Variants in MECOM observed in about 807,000 individuals in gnomAD.
The protein encoded by MECOM is histone-lysine N-methyltransferase MECOM.
MECOM carries 13 observed loss-of-function variants against 116.3 expected under a neutral mutation model. The ratio of observed to expected loss-of-function variants is 0.11; its 90% CI spans 0.07 to 0.18. The LOEUF (loss-of-function observed/expected upper bound fraction) is 0.18. Among genes scored for constraint, MECOM ranks in the 10% least tolerant of loss-of-function variants. The probability of loss-of-function intolerance (pLI) is 1.00; values close to 1 mark genes in which losing one functional copy is unlikely to be tolerated. For missense variants in MECOM, 1,299 were observed against 1,509.0 expected (o/e 0.86, Z 2.31); for synonymous variants, 528 against 535.2 (o/e 0.99, Z 0.19).
At chr3:169,266,066 C>T (rs1386310733) in intron 2 of MECOM, among the ~76,000 whole-genome samples, 2 of 152,260 alleles carry the variant, frequency 1.3e-5, no homozygotes, top group Non-Finnish European at 1.5e-5. Flanking sequence ...GGCAACATGG[C>T]TGCCAGTCAG....
At chr3:169,165,216 AT>A (rs1231820117) in intron 2 of MECOM, among the ~76,000 whole-genome samples, 1 of 152,186 alleles carries the variant, frequency 6.6e-6, no homozygotes, top group Non-Finnish European at 1.5e-5. Context: ...TTACTGCACC[AT>A]TTGACAAACA....
chr3:169,387,439 A>G (rs943450615), intron 1 of MECOM, among the ~76,000 whole-genome samples: 1 of 152,224 alleles, frequency 6.6e-6, no homozygotes. Context: ...GTTTAACTGC[A>G]AATCTGGTCA....
intron 2 of MECOM, chr3:169,146,125 C>A: frequency 3.4e-6 from 2 of 592,534 alleles, no homozygotes; most frequent in Non-Finnish European, 4.5e-6. Context: ...TAAAAGCTGT[C>A]AACCTCCAAA....
chr3:169,565,088 C>T (rs1763072911), intron 1 of MECOM, among the ~76,000 whole-genome samples: 1 of 152,092 alleles, frequency 6.6e-6, no homozygotes, highest in African/African-American at 2.4e-5. Flanking sequence ...CCCCAGTGGA[C>T]AAAAGAAGAA....
chr3:169,125,436 A>G (rs1211944211), intron 5 of MECOM, among the ~76,000 whole-genome samples: 2 of 152,136 alleles, frequency 1.3e-5, no homozygotes, highest in African/African-American at 4.8e-5. Context: ...ATCTAGTGGC[A>G]AAAGCTTGGC....
At chr3:169,437,688 G>C (rs62294340) in intron 1 of MECOM, among the ~76,000 whole-genome samples, 1 of 151,942 alleles carries the variant, frequency 6.6e-6, no homozygotes, top group African/African-American at 2.4e-5. Flanking sequence ...AATGAAAAGC[G>C]TAGATTTATA....
At chr3:169,306,641 A>T (rs1343824662) in intron 2 of MECOM, among the ~76,000 whole-genome samples, 2 of 152,198 alleles carry the variant, frequency 1.3e-5, no homozygotes, top group Non-Finnish European at 2.9e-5. Flanking sequence ...AGATCATGCC[A>T]TTGCACTCCA....
intron 1 of MECOM, among the ~76,000 whole-genome samples, chr3:169,508,493 G>A (rs989804191): frequency 1.3e-5 from 2 of 150,386 alleles, no homozygotes; most frequent in African/African-American, 2.5e-5. Flanking sequence ...TAATACAAAA[G>A]AAGAGTAAAC....
At chr3:169,558,003 T>C (rs1047616076) in intron 1 of MECOM, among the ~76,000 whole-genome samples, 2 of 152,214 alleles carry the variant, frequency 1.3e-5, no homozygotes, top group Non-Finnish European at 1.5e-5. Flanking sequence ...GTCATACAAA[T>C]ACATATTTTT....
Position 169,107,902 on chromosome 3 carries a change from C to T in MECOM, c.2604+24G>A, listed in dbSNP as rs775444284. The T allele has an allele frequency of 1.2e-5, 19 of 1,606,532 alleles. 1 individual carries two copies. Among genetic ancestry groups the T allele is most frequent in the South Asian group, 3.3e-5 (3 of 89,890 alleles). ...CTTTTTAATGCTACATCACTTTAGT[C>T]AAAAATATAAGTAGGAAACTTACCC... On this transcript the variant is annotated intron_variant, in intron 10 of 16. Transcript: ENST00000651503.
At chr3:169,366,327 A>C (rs1729154500) in intron 2 of MECOM, among the ~76,000 whole-genome samples, 1 of 151,904 alleles carries the variant, frequency 6.6e-6, no homozygotes, top group Non-Finnish European at 1.5e-5. Flanking sequence ...AGGATGGCTT[A>C]TATCCCTTTG....
chr3:169,337,418 C>T (rs542479210), intron 2 of MECOM, among the ~76,000 whole-genome samples: 7 of 152,240 alleles, frequency 4.6e-5, no homozygotes, highest in East Asian at 3.9e-4. Flanking sequence ...ATTCCCGACA[C>T]GCATCCTTTT....
rs34583012 is a variant in MECOM at position 169,471,363 on chromosome 3, G to GA, written c.38-89840dup. On this transcript the variant is annotated intron_variant, in intron 1 of 16. Coordinates refer to ENST00000651503, the MANE Select transcript of MECOM (RefSeq NM_004991.4). ...GCTTTTCTTTCTAAGTTTACCTCAG[G>GA]AAAAAAAAAAAAATTCCTGCTTTAA... 5.8e-3 allele frequency among the ~76,000 whole-genome samples: 844 copies of GA among 145,954 alleles called. 5 individuals are homozygous for GA. The highest frequency in any genetic ancestry group is 8.3e-3 in the South Asian group (38 of 4,598).
At chr3:169,573,397 GA>G (rs1467131159) in intron 1 of MECOM, among the ~76,000 whole-genome samples, 2 of 152,188 alleles carry the variant, frequency 1.3e-5, no homozygotes, top group Non-Finnish European at 2.9e-5. Flanking sequence ...TGGAAAGGGA[GA>G]AATTATGGCA....
intron 1 of MECOM, among the ~76,000 whole-genome samples, chr3:169,625,606 C>T (rs1771271362): frequency 6.6e-6 from 1 of 152,192 alleles, no homozygotes; most frequent in Non-Finnish European, 1.5e-5. Context: ...AAAAAGACTT[C>T]AATCCCATTA....
chr3:169,407,039 G>C (rs1362886233), intron 1 of MECOM, among the ~76,000 whole-genome samples: 1 of 151,840 alleles, frequency 6.6e-6, no homozygotes, highest in Non-Finnish European at 1.5e-5. Context: ...AGTGGAGACA[G>C]GGTTTCACCA....
In MECOM at chr3:169,663,211, G is replaced by T. The variant is rs1301655680; in HGVS notation, c.37+125C>A. The T allele has an allele frequency of 3.6e-6, 4 of 1,106,346 alleles. No individual in the cohort carries two copies. In the African/African-American group the frequency reaches 4.7e-5, roughly 13 times the overall value. The allele number at this position is 1,106,346 out of a possible 1,614,324, so 68.5% of individuals were successfully genotyped here. A position where few individuals can be genotyped will look rare whatever the true frequency, so the allele number is the denominator to read the frequency against. On this transcript the variant is annotated intron_variant, in intron 1 of 16. Transcript: ENST00000651503. ...CGGCAGGTTGCTGGGGCTGCGCTCC[G>T]CCTGCCCTCCACCCGGGGCCCCGGC... is the stretch of plus-strand genomic sequence containing the variant.
intron 2 of MECOM, among the ~76,000 whole-genome samples, chr3:169,309,852 G>A (rs146102799): frequency 6.5e-4 from 99 of 152,320 alleles, no homozygotes; most frequent in African/African-American, 2.3e-3. Context: ...CCTGTAAAGC[G>A]AGAGTGTGGG....
intron 1 of MECOM, among the ~76,000 whole-genome samples, chr3:169,429,086 T>A (rs943822885): frequency 3.9e-5 from 6 of 152,170 alleles, no homozygotes; most frequent in Non-Finnish European, 5.9e-5. Context: ...ATATCATGAG[T>A]GTCAGTTGAA....
Sources: allele counts gnomAD v4.1 joint callset (sites outside exome capture counted in the v4.1 genomes callset), GRCh38; gene constraint gnomAD v4.1.1; transcripts MANE v1.5; gene names NCBI Gene and HGNC (gene_info 2026-07-23, HGNC 2026-07-21).